YTHDC2: variants seen among roughly 807,000 people sequenced by gnomAD.
YTHDC2 encodes YTH N6-methyladenosine RNA binding protein C2.
YTHDC2 carries 45 observed loss-of-function variants against 174.9 expected under a neutral mutation model. That is an observed-to-expected ratio of 0.26 (90% confidence interval 0.20 to 0.33). The LOEUF is 0.33. Ranked by LOEUF, YTHDC2 falls within the 10% of genes least tolerant of loss-of-function variation. YTHDC2 has a pLI of 1.00. For synonymous variants in YTHDC2, 657 were observed against 574.5 expected (o/e 1.14, Z -2.05); for missense variants, 1,650 against 1,723.7 (o/e 0.96, Z 0.76).
chr5:113,521,910 G>A (rs867337007), intron 2 of YTHDC2, among the ~76,000 whole-genome samples: 14 of 151,226 alleles, frequency 9.3e-5, no homozygotes, highest in African/African-American at 2.7e-4. Context: ...TCAGTTTGGC[G>A]ACAACATGAA....
chr5:113,581,485 A>T lies in YTHDC2; in HGVS notation c.3423A>T (p.Pro1141=). 6.2e-7 allele frequency: 1 copy of T among 1,614,000 alleles called. No homozygotes were observed. The highest frequency in any genetic ancestry group is 8.5e-7 in the Non-Finnish European group (1 of 1,179,922). The part of the protein sequence containing the change: ...HSLFLRRMRA[P]SKPWSQVDEA... ...TATTTTTACGCCGAATGAGAGCTCC[A>T]TCTAAACCTTGGTCTCAAGTTGATG... The change falls in exon 25 of 30, where the codon CCA becomes CCT. Residue 1141 remains proline (P), a synonymous_variant. Coordinates refer to ENST00000161863, the MANE Select transcript of YTHDC2 (RefSeq NM_022828.5).
At chr5:113,519,506 TAGA>T (rs1421603257) in intron 2 of YTHDC2, among the ~76,000 whole-genome samples, 1 of 152,194 alleles carries the variant, frequency 6.6e-6, no homozygotes, top group East Asian at 1.9e-4. Context: ...TAAAAATCTG[TAGA>T]ATGGGAAAAT....
chr5:113,561,076 T>C lies in YTHDC2; in HGVS notation c.2217-4T>C, dbSNP rs1440251141. Reference sequence around the variant, plus strand: ...GAGTCCTAATCTTGTACTTTATTTTTAAGGGCAGGGCGATGTAGACCTGGA... The same window carrying C: ...GAGTCCTAATCTTGTACTTTATTTTCAAGGGCAGGGCGATGTAGACCTGGA... On this transcript the variant is annotated splice_region_variant and splice_polypyrimidine_tract_variant and intron_variant, in intron 17 of 29. Transcript: ENST00000161863. 1.3e-6 allele frequency: 2 copies of C among 1,596,126 alleles called. No individual in the cohort carries two copies. Among genetic ancestry groups the C allele is most frequent in the African/African-American group, 2.7e-5 (2 of 74,442 alleles).
At chr5:113,543,663 CTG>C (rs1367654344) in intron 10 of YTHDC2, among the ~76,000 whole-genome samples, 3 of 152,200 alleles carry the variant, frequency 2.0e-5, no homozygotes, top group African/African-American at 7.2e-5. Context: ...TCCAGTTACA[CTG>C]TGGATAAAAA....
chr5:113,547,273 A>G (rs1458128680), intron 10 of YTHDC2, among the ~76,000 whole-genome samples: 1 of 152,248 alleles, frequency 6.6e-6, no homozygotes, highest in African/African-American at 2.4e-5. Flanking sequence ...AGATCAGAAT[A>G]AATTGATCTT....
intron 25 of YTHDC2, 70 bp from the exon 26 acceptor site, chr5:113,584,232 T>TTA (rs1778550035): frequency 1.5e-6 from 2 of 1,350,212 alleles, no homozygotes; most frequent in African/African-American, 2.9e-5. Context: ...TATTATAAAC[T>TTA]TATACATAAC....
chr5:113,567,616 A>G, intron 22 of YTHDC2, 38 bp from the exon 23 acceptor site: 1 of 1,489,682 alleles, frequency 6.7e-7, no homozygotes. Flanking sequence ...TAGGTGATAA[A>G]CACAATTAAC....
At chr5:113,554,186 T>A (rs1776452220) in intron 16 of YTHDC2, among the ~76,000 whole-genome samples, 164 bp downstream of exon 16, 1 of 152,104 alleles carries the variant, frequency 6.6e-6, no homozygotes, top group African/African-American at 2.4e-5. Flanking sequence ...GAAAAATGTC[T>A]GGTTCTAGAT....
At position 113,513,906 on chromosome 5, in the gene YTHDC2, C is replaced by A; in HGVS notation, c.11C>A (p.Pro4Gln). Residue 4 changes from proline (P) to glutamine (Q), a missense_variant, in exon 1 of 30, where the codon CCG becomes CAG. Physicochemically the swap from Pro to Gln is moderately conservative, Grantham distance 76 (BLOSUM62 -1). This residue lies in a region of YTHDC2 where 304 missense variants were observed against 341.4 expected (regional missense o/e 0.89). Transcript: ENST00000161863. The part of the protein sequence containing the change: MSR[P>Q]SSVSPRQPAP... ...CATCTCTTCAGGGCAATGTCCAGGC[C>A]GAGCAGCGTCTCCCCGCGGCAGCCG... 6.2e-7 allele frequency: 1 copy of A among 1,604,114 alleles called. No homozygotes were observed.
chr5:113,549,468 G>A (rs1432962700), intron 12 of YTHDC2, among the ~76,000 whole-genome samples: 2 of 152,110 alleles, frequency 1.3e-5, no homozygotes, highest in Non-Finnish European at 2.9e-5. Context: ...ACTCATTTTA[G>A]CTTTGAAACT....
At chr5:113,556,804 C>A (rs777296107) in intron 17 of YTHDC2, among the ~76,000 whole-genome samples, 4 of 152,136 alleles carry the variant, frequency 2.6e-5, no homozygotes, top group Non-Finnish European at 4.4e-5. Flanking sequence ...CCTGAGTATG[C>A]TTGCACACGT....
intron 1 of YTHDC2, 35 bp downstream of exon 1, chr5:113,514,117 G>C: frequency 1.9e-6 from 3 of 1,595,644 alleles, no homozygotes; most frequent in Non-Finnish European, 2.6e-6. Flanking sequence ...CTGGCAGTCA[G>C]GATACCCCCC....
chr5:113,586,414 C>T (rs1044416590), intron 26 of YTHDC2, among the ~76,000 whole-genome samples: 16 of 151,922 alleles, frequency 1.1e-4, no homozygotes, highest in African/African-American at 3.9e-4. Context: ...GGGTACAAGG[C>T]TTAATTATTA....
At chr5:113,531,973 G>A (rs1774702074) in intron 4 of YTHDC2, among the ~76,000 whole-genome samples, 2 of 152,062 alleles carry the variant, frequency 1.3e-5, no homozygotes, top group Non-Finnish European at 2.9e-5. Context: ...CACTACTAGT[G>A]ATTTCACTGC....
In YTHDC2 at chr5:113,591,147, C is replaced by T. The variant is rs1778984077; in HGVS notation, c.3932C>T (p.Ser1311Phe). 3 of 1,613,958 alleles carry T rather than the reference C, an allele frequency of 1.9e-6. No homozygotes were observed. Among genetic ancestry groups the T allele is most frequent in the African/African-American group, 2.7e-5 (2 of 75,012 alleles). ...LEISQQKGIW[S>F]TTPSNERKLN... The stretch of plus-strand genomic sequence containing the variant: ...ATTTCTCAACAGAAGGGTATCTGGT[C>T]TACAACTCCTAGTAATGAACGGAAG... Residue 1311 changes from serine (S) to phenylalanine (F), a missense_variant, in exon 27 of 30, where the codon TCT becomes TTT. Ser to Phe is a radical substitution (Grantham distance 155). Coordinates refer to ENST00000161863, the MANE Select transcript of YTHDC2 (RefSeq NM_022828.5).
chr5:113,551,431 T>C (rs996925458), intron 12 of YTHDC2, among the ~76,000 whole-genome samples: 2 of 152,176 alleles, frequency 1.3e-5, no homozygotes, highest in African/African-American at 4.8e-5. Context: ...TACTGGATTA[T>C]TGATAATTTA....
chr5:113,590,626 C>T (rs533000015), intron 26 of YTHDC2, among the ~76,000 whole-genome samples: 3 of 152,210 alleles, frequency 2.0e-5, no homozygotes, highest in Admixed American at 6.5e-5. Flanking sequence ...CCACTTCGGT[C>T]TCTGAACTCC....
intron 3 of YTHDC2, among the ~76,000 whole-genome samples, chr5:113,525,889 G>T (rs994846485): frequency 6.6e-6 from 1 of 152,002 alleles, no homozygotes; most frequent in African/African-American, 2.4e-5. Context: ...AGATATCAAA[G>T]AACTTTCACT....
intron 27 of YTHDC2, among the ~76,000 whole-genome samples, chr5:113,591,535 G>C (rs1012210834): frequency 2.6e-5 from 4 of 151,860 alleles, no homozygotes; most frequent in Admixed American, 2.0e-4. Context: ...TTGACCTTTT[G>C]GTAAAATATT....
Sources: allele counts gnomAD v4.1 joint callset (sites outside exome capture counted in the v4.1 genomes callset), GRCh38; gene constraint gnomAD v4.1.1; regional missense constraint gnomAD v4.1.1; transcripts MANE v1.5; gene names NCBI Gene and HGNC (gene_info 2026-07-23, HGNC 2026-07-21).